The following AGK variants were observed in gnomAD, a reference collection of about 807,000 sequenced individuals.
AGK encodes acylglycerol kinase.
A neutral mutation model predicts 66.4 loss-of-function variants in AGK; 52 were observed. The observed-to-expected ratio is 0.78, with a 90% confidence interval of 0.63 to 0.99. The LOEUF is 0.99. Ranked by LOEUF, AGK falls within the 50% of genes least tolerant of loss-of-function variation. The pLI is 0.00. For synonymous variants in AGK, 182 were observed against 181.1 expected, an observed-to-expected ratio of 1.00 and a Z score of -0.04; for missense variants, 451 against 506.6, an observed-to-expected ratio of 0.89 and a Z score of 1.05.
At chr7:141,650,573 TTAATAAATGA>T in intron 14 of AGK, 1 of 985,440 alleles carries the variant, frequency 1.0e-6, no homozygotes, top group Non-Finnish European at 1.2e-6. Flanking sequence ...GTTACTGTTG[TTAATAAATGA>T]TAAATGGACT....
chr7:141,653,056 C>A lies in AGK; in HGVS notation c.*132C>A. 1.9e-6 allele frequency: 2 copies of A among 1,060,542 alleles called. No individual in the cohort carries two copies. Among genetic ancestry groups the A allele is most frequent in the South Asian group, 1.5e-5 (1 of 65,630 alleles). The allele number at this position is 1,060,542 out of a possible 1,614,324, so 65.7% of individuals were successfully genotyped here. ...CATTTTCATGGCAAGTACCCCTCTG[C>A]CCCCACTCCAGCAGTGCTTCCCAAA... On this transcript the variant is annotated 3_prime_UTR_variant, in exon 16 of 16. Transcript: ENST00000649286.
intron 2 of AGK, 62 bp from the exon 3 acceptor site, chr7:141,593,084 A>G: frequency 3.4e-6 from 5 of 1,462,984 alleles, no homozygotes; most frequent in Non-Finnish European, 4.7e-6. Context: ...AAAGCTCACA[A>G]ATTTTGTTTG....
In AGK at chr7:141,633,945, G is replaced by A. The variant is rs1380638365; in HGVS notation, c.633G>A (p.Trp211Ter). ...TATTTGCAATGACCGGCCTTCGATG[G>A]GGATCTTTCAGAGATGCTGGCGTCA... is the stretch of plus-strand genomic sequence containing the variant. Reference protein sequence around the residue: ...QPVFAMTGLRWGSFRDAGVKV... With the variant: ...QPVFAMTGLR The change falls in exon 10 of 16, where the codon TGG becomes TGA. Residue 211 changes from tryptophan (W) to a stop codon, truncating the protein, a stop_gained. Coordinates refer to ENST00000649286, the MANE Select transcript of AGK (RefSeq NM_018238.4). LOFTEE classifies it high-confidence loss of function. 1 of 1,614,042 alleles carries A rather than the reference G, an allele frequency of 6.2e-7. No homozygotes were observed. The highest frequency in any genetic ancestry group is 2.2e-5 in the East Asian group (1 of 44,882).
intron 9 of AGK, among the ~76,000 whole-genome samples, chr7:141,622,040 C>A (rs922567518): frequency 2.0e-5 from 3 of 150,960 alleles, no homozygotes; most frequent in Non-Finnish European, 4.4e-5. Context: ...TAATATTTAT[C>A]ATTATAGTCA....
At chr7:141,573,025 C>T (rs1433982122) in intron 2 of AGK, among the ~76,000 whole-genome samples, 1 of 152,200 alleles carries the variant, frequency 6.6e-6, no homozygotes, top group Non-Finnish European at 1.5e-5. Flanking sequence ...CGGCTTCATC[C>T]ACAGCTGAAG....
chr7:141,603,883 T>C (rs1254143485), intron 5 of AGK, among the ~76,000 whole-genome samples: 7 of 152,216 alleles, frequency 4.6e-5, no homozygotes, highest in Non-Finnish European at 5.9e-5. Context: ...TTATGTGTAT[T>C]TTTAAACAAA....
chr7:141,645,770 A>T (rs1337199351), intron 13 of AGK, among the ~76,000 whole-genome samples: 2 of 152,144 alleles, frequency 1.3e-5, no homozygotes, highest in African/African-American at 4.8e-5. Context: ...ATTTAATTTT[A>T]TCAAGTACTC....
At chr7:141,624,973 C>T (rs979690092) in intron 9 of AGK, among the ~76,000 whole-genome samples, 1 of 152,186 alleles carries the variant, frequency 6.6e-6, no homozygotes, top group African/African-American at 2.4e-5. Context: ...ACATCCACCC[C>T]AACCTTCAGC....
intron 2 of AGK, among the ~76,000 whole-genome samples, chr7:141,565,083 A>G (rs941723602): frequency 6.6e-6 from 1 of 151,742 alleles, no homozygotes; most frequent in Non-Finnish European, 1.5e-5. Context: ...GTTCTCTAGG[A>G]CTCTGCCCTA....
chr7:141,592,998 C>G (rs1479014129), intron 2 of AGK, 148 bp from the exon 3 acceptor site: 5 of 665,048 alleles, frequency 7.5e-6, no homozygotes, highest in Non-Finnish European at 1.3e-5. Flanking sequence ...GCCACCATGC[C>G]CGGCCTGTTA....
In AGK at chr7:141,641,883, C is replaced by G. The variant is rs777201130; in HGVS notation, c.950C>G (p.Thr317Arg). 1.3e-6 allele frequency: 2 copies of G among 1,582,640 alleles called. No homozygotes were observed. Among genetic ancestry groups the G allele is most frequent in the East Asian group, 2.3e-5 (1 of 43,936 alleles). ...TCCACCATTGAACTGTCCATCACAA[C>G]ACGGAATAATCAGCTTGACCCGACA... Reference protein sequence around the residue: ...QLSTIELSITTRNNQLDPTSK... With the variant: ...QLSTIELSITRRNNQLDPTSK... The change falls in exon 13 of 16, where the codon ACA (threonine) becomes AGA (arginine). Residue 317 changes from threonine (T) to arginine (R), a missense_variant. Transcript: ENST00000649286.
chr7:141,619,120 T>C (rs1796771050), intron 8 of AGK, among the ~76,000 whole-genome samples: 1 of 152,154 alleles, frequency 6.6e-6, no homozygotes, highest in African/African-American at 2.4e-5. Flanking sequence ...TGTCATTCTC[T>C]CCACAACTGA....
intron 2 of AGK, among the ~76,000 whole-genome samples, chr7:141,577,210 G>A (rs1795762521): frequency 6.6e-6 from 1 of 152,046 alleles, no homozygotes; most frequent in African/African-American, 2.4e-5. Flanking sequence ...GTCTTTCCAG[G>A]GTTAACTTCA....
intron 10 of AGK, among the ~76,000 whole-genome samples, chr7:141,634,400 T>C (rs971140513): frequency 1.3e-5 from 2 of 152,176 alleles, no homozygotes; most frequent in East Asian, 3.8e-4. Flanking sequence ...AGAGGTATTT[T>C]TGTGAAGGCC....
chr7:141,652,004 G>GT (rs1386952033), intron 15 of AGK, among the ~76,000 whole-genome samples: 5 of 152,148 alleles, frequency 3.3e-5, no homozygotes, highest in Admixed American at 3.3e-4. Flanking sequence ...TCTGGAAGCA[G>GT]TTTTCAGTTC....
chr7:141,564,579 G>C (rs115993558), intron 2 of AGK, among the ~76,000 whole-genome samples: 1 of 152,274 alleles, frequency 6.6e-6, no homozygotes, highest in South Asian at 2.1e-4. Context: ...TGTAGTTCAG[G>C]ATGAGATTTG....
intron 3 of AGK, among the ~76,000 whole-genome samples, chr7:141,596,070 A>AT (rs1488883825): frequency 6.6e-6 from 1 of 152,224 alleles, no homozygotes; most frequent in Non-Finnish European, 1.5e-5. Flanking sequence ...TTTAGTTATC[A>AT]TACAGGGTTG....
intron 13 of AGK, among the ~76,000 whole-genome samples, chr7:141,646,705 G>A (rs933921834): frequency 1.3e-5 from 2 of 152,024 alleles, no homozygotes; most frequent in Non-Finnish European, 2.9e-5. Context: ...TCCCCGTTAC[G>A]TGTGGAAATT....
At position 141,654,383 on chromosome 7, in the gene AGK, C is replaced by T. The variant is rs1023329558; in HGVS notation, c.*1459C>T. ...CTGTATAGATGTAAGCACATAAATT[C>T]GATGGAATAGAATTACGTTAACAAT... On this transcript the variant is annotated 3_prime_UTR_variant, in exon 16 of 16. Transcript: ENST00000649286. The T allele has an allele frequency of 2.0e-5, 3 of 152,090 alleles. No individual in the cohort carries two copies. Among genetic ancestry groups the T allele is most frequent in the Admixed American group, 6.5e-5 (1 of 15,272 alleles). 9.4% of individuals were successfully genotyped at this position (152,090 alleles called of 1,614,324 possible). A position where few individuals can be genotyped will look rare whatever the true frequency, so the allele number is the denominator to read the frequency against.
Sources: gnomAD v4.1 joint callset for allele counts (sites outside exome capture counted in the v4.1 genomes callset) on GRCh38, gnomAD v4.1.1 for gene constraint, MANE v1.5 for transcripts, NCBI Gene and HGNC (gene_info 2026-07-23, HGNC 2026-07-21) for gene names.